SPATA31H1: variants seen among roughly 807,000 people sequenced by gnomAD.
SPATA31H1 encodes SPATA31 subfamily H member 1.
the SPATA31H1 span, among the ~76,000 whole-genome samples, chr2:27,539,808 G>C: frequency 1.5e-5 from 1 of 68,634 alleles, no homozygotes; most frequent in Admixed American, 1.9e-4. Context: ...CTTCCCAGTA[G>C]GGGCGGCCGG....
At chr2:27,574,849 C>T in the SPATA31H1 span, 1 of 398,476 alleles carries the variant, frequency 2.5e-6, no homozygotes, top group Non-Finnish European at 4.4e-6. Flanking sequence ...GATGTAAAAT[C>T]TATGGAGTTC....
the SPATA31H1 span, among the ~76,000 whole-genome samples, chr2:27,543,466 T>C: frequency 6.9e-6 from 1 of 145,654 alleles, no homozygotes; most frequent in African/African-American, 2.6e-5. Context: ...TTCACATCAA[T>C]TGGGTATGAG....
chr2:27,565,178 T>A, the SPATA31H1 span, among the ~76,000 whole-genome samples: 4 of 152,254 alleles, frequency 2.6e-5, no homozygotes, highest in African/African-American at 7.2e-5. Flanking sequence ...TTTATATGTT[T>A]GTTACGGCAT....
chr2:27,573,428 A>G, the SPATA31H1 span: 6 of 398,398 alleles, frequency 1.5e-5, no homozygotes, highest in Admixed American at 1.8e-4. Context: ...TCACAACTGT[A>G]GAATTGAAAC....
chr2:27,561,372 G>A, the SPATA31H1 span, among the ~76,000 whole-genome samples: 55 of 152,256 alleles, frequency 3.6e-4, no homozygotes, highest in Non-Finnish European at 7.6e-4. Context: ...TATATTTATG[G>A]TGTATAATGT....
the SPATA31H1 span, among the ~76,000 whole-genome samples, chr2:27,563,666 TCTCCTGCCTCAGC>T: frequency 6.6e-6 from 1 of 151,732 alleles, no homozygotes; most frequent in East Asian, 1.9e-4. Context: ...TTGAAGTAAT[TCTCCTGCCTCAGC>T]CTCCCAAGTA....
At chr2:27,566,040 C>T in the SPATA31H1 span, 6 of 717,314 alleles carry the variant, frequency 8.4e-6, no homozygotes. Context: ...ACCTCTTCTC[C>T]CAGATCCACA....
the SPATA31H1 span, chr2:27,572,464 C>T: frequency 5.0e-6 from 2 of 398,286 alleles, no homozygotes; most frequent in Non-Finnish European, 8.9e-6. Flanking sequence ...ATGATAGCAT[C>T]TAAATTGGTT....
At chr2:27,577,254 A>T in the SPATA31H1 span, 5 of 1,613,942 alleles carry the variant, frequency 3.1e-6, no homozygotes, top group Non-Finnish European at 8.5e-7. The surrounding 1 kb of genome is among the most constrained non-coding windows in gnomAD (Gnocchi z 4.5). Context: ...TCCAGAGAAA[A>T]GCTACCAAAT....
At chr2:27,580,296 TTAG>T in the SPATA31H1 span, 1 of 1,614,146 alleles carries the variant, frequency 6.2e-7, no homozygotes. Context: ...CAGGCCTGAC[TTAG>T]TAGAAAAGAC....
At chr2:27,545,618 C>T in the SPATA31H1 span, among the ~76,000 whole-genome samples, 1 of 150,780 alleles carries the variant, frequency 6.6e-6, no homozygotes, top group East Asian at 1.9e-4. Context: ...CTCTGTCTCC[C>T]AGCCTGAAAT....
chr2:27,580,060 G>T, the SPATA31H1 span: 2 of 1,614,114 alleles, frequency 1.2e-6, no homozygotes. Flanking sequence ...GGTGAGGTTC[G>T]GTTGCATCTT....
At chr2:27,545,024 A>G in the SPATA31H1 span, among the ~76,000 whole-genome samples, 8 of 107,850 alleles carry the variant, frequency 7.4e-5, no homozygotes, top group African/African-American at 3.3e-4. Flanking sequence ...CAAAAAGTCA[A>G]ATTTTTTTTT....
the SPATA31H1 span, chr2:27,579,721 A>G: frequency 6.2e-7 from 1 of 1,614,220 alleles, no homozygotes; most frequent in Non-Finnish European, 8.5e-7. Flanking sequence ...GAAGAAAGTG[A>G]GGACTCACAG....
the SPATA31H1 span, among the ~76,000 whole-genome samples, chr2:27,548,607 CA>C: frequency 5.6e-3 from 677 of 120,122 alleles, 2 homozygotes; most frequent in African/African-American, 0.01. Context: ...GGCCCTGTTT[CA>C]AAAAAAAAAA....
At chr2:27,573,876 A>G in the SPATA31H1 span, 1 of 398,548 alleles carries the variant, frequency 2.5e-6, no homozygotes, top group East Asian at 3.6e-5. Context: ...ACACTTGAAA[A>G]GCAAGAAATC....
At chr2:27,541,532 AGTT>A in the SPATA31H1 span, among the ~76,000 whole-genome samples, 1 of 151,970 alleles carries the variant, frequency 6.6e-6, no homozygotes, top group African/African-American at 2.4e-5. Context: ...AGTGCTCCGT[AGTT>A]GTTTGTGAAA....
the SPATA31H1 span, among the ~76,000 whole-genome samples, chr2:27,563,465 A>T: frequency 7.7e-6 from 1 of 130,706 alleles, no homozygotes; most frequent in African/African-American, 2.9e-5. Flanking sequence ...GAAGGATCAC[A>T]TCTCACTGCA....
chr2:27,573,504 C>T, the SPATA31H1 span: 1 of 398,396 alleles, frequency 2.5e-6, no homozygotes. Flanking sequence ...CCAAAGTATA[C>T]AACCTTTGAC....
Sources: allele counts gnomAD v4.1 joint callset (sites outside exome capture counted in the v4.1 genomes callset), GRCh38; gene constraint gnomAD v4.1.1; non-coding constraint Gnocchi (gnomAD v3.1); transcripts MANE v1.5; gene names NCBI Gene and HGNC (gene_info 2026-07-23, HGNC 2026-07-21).